The following GALNT10 variants were observed in gnomAD, a reference collection of about 807,000 sequenced individuals.
GALNT10 encodes the protein GalNAc transferase 10.
Under a neutral mutation model 75.0 loss-of-function variants are expected in GALNT10, and 41 were observed. That is an observed-to-expected ratio of 0.55 (90% CI 0.43 to 0.71). The LOEUF (loss-of-function observed/expected upper bound fraction) is 0.71. Ranked by LOEUF, GALNT10 falls within the 30% of genes least tolerant of loss-of-function variation. GALNT10 has a pLI of 0.00. For missense variants in GALNT10, 727 were observed against 818.5 expected (o/e 0.89, Z 1.36); for synonymous variants, 302 against 313.0 (o/e 0.96, Z 0.37).
chr5:154,316,730 C>G (rs768559406), intron 3 of GALNT10, among the ~76,000 whole-genome samples: 2 of 152,142 alleles, frequency 1.3e-5, no homozygotes, highest in Non-Finnish European at 2.9e-5. Flanking sequence ...CTCAGTATTA[C>G]GTTTCTTGAA....
intron 3 of GALNT10, among the ~76,000 whole-genome samples, chr5:154,324,717 G>A (rs955859773): frequency 6.6e-6 from 1 of 151,988 alleles, no homozygotes; most frequent in East Asian, 1.9e-4. Context: ...GTGGTCTGGG[G>A]TGGCCAGAGA....
chr5:154,237,581 G>A (rs75324225), intron 1 of GALNT10, among the ~76,000 whole-genome samples: 2,071 of 152,232 alleles, frequency 0.014, 39 homozygotes, highest in African/African-American at 0.047. Flanking sequence ...TTCTCCAATT[G>A]GGAAATCCCT....
chr5:154,271,619 GCAGAAGTC>G (rs1428675416), intron 1 of GALNT10, among the ~76,000 whole-genome samples: 2 of 152,192 alleles, frequency 1.3e-5, no homozygotes, highest in African/African-American at 4.8e-5. Flanking sequence ...TGGTGAGGAA[GCAGAAGTC>G]ATTATGTCTA....
chr5:154,254,357 T>A (rs1753574363), intron 1 of GALNT10, among the ~76,000 whole-genome samples: 1 of 152,188 alleles, frequency 6.6e-6, no homozygotes, highest in Non-Finnish European at 1.5e-5. Flanking sequence ...TTCCAGTGCC[T>A]CTTACATATA....
intron 1 of GALNT10, among the ~76,000 whole-genome samples, chr5:154,262,737 G>C (rs1265677390): frequency 1.3e-5 from 2 of 152,142 alleles, no homozygotes; most frequent in African/African-American, 4.8e-5. Flanking sequence ...GCACCCTCAA[G>C]ACCCTCAAGT....
At chr5:154,415,190 C>T (rs1175430117) in intron 10 of GALNT10, among the ~76,000 whole-genome samples, 2 of 152,148 alleles carry the variant, frequency 1.3e-5, no homozygotes, top group Admixed American at 6.5e-5. Flanking sequence ...CATTTTGGAC[C>T]TTGTAGTAAC....
intron 1 of GALNT10, among the ~76,000 whole-genome samples, chr5:154,284,057 C>T (rs1365499809): frequency 1.3e-5 from 2 of 152,196 alleles, no homozygotes; most frequent in Non-Finnish European, 2.9e-5. Flanking sequence ...TATAAAAATG[C>T]TTTGTAAATT....
At chr5:154,205,632 A>G (rs1198350882) in intron 1 of GALNT10, among the ~76,000 whole-genome samples, 1 of 152,216 alleles carries the variant, frequency 6.6e-6, no homozygotes, top group East Asian at 1.9e-4. Flanking sequence ...GGTTTGTTGC[A>G]AATGTAACCA....
At position 154,335,313 on chromosome 5, in the gene GALNT10, G is replaced by C. The variant is rs371979814; in HGVS notation, c.568+5575G>C. Among the ~76,000 whole-genome samples, 4 of 152,284 alleles carry C rather than the reference G, an allele frequency of 2.6e-5. No individual in the cohort carries two copies. The East Asian group carries it at 7.7e-4, about 29-fold the overall frequency. On this transcript the variant is annotated intron_variant, in intron 4 of 11. Transcript: ENST00000297107. Reference sequence around the variant, plus strand: ...AAATAGGCTTCCCTCGACAGCTCCAGTAGGCCTAGAGGAGGTAAGGGGCAG... The same window carrying C: ...AAATAGGCTTCCCTCGACAGCTCCACTAGGCCTAGAGGAGGTAAGGGGCAG...
chr5:154,302,985 T>C (rs2113084964), intron 3 of GALNT10, among the ~76,000 whole-genome samples: 1 of 152,228 alleles, frequency 6.6e-6, no homozygotes, highest in Non-Finnish European at 1.5e-5. Context: ...GAAGTTTAAG[T>C]CAACCACATT....
In GALNT10 at chr5:154,376,538, A is replaced by G; in HGVS notation, c.754+76A>G. 6 of 1,069,296 alleles carry G rather than the reference A, an allele frequency of 5.6e-6. No homozygotes were observed. Among genetic ancestry groups the G allele is most frequent in the Non-Finnish European group, 8.1e-6 (6 of 740,000 alleles). The allele number at this position is 1,069,296 out of a possible 1,614,324, so 66.2% of individuals were successfully genotyped here. A position where few individuals can be genotyped will look rare whatever the true frequency, so the allele number is the denominator to read the frequency against. On this transcript the variant is annotated intron_variant, in intron 5 of 11. Coordinates refer to ENST00000297107, the MANE Select transcript of GALNT10 (RefSeq NM_198321.4). This position sits in a 1 kb window ranked among gnomAD's most constrained non-coding sequence, Gnocchi z 4.1. The stretch of plus-strand genomic sequence containing the variant: ...CCAGTGGCCCCCTCCTGCTGCAGGG[A>G]GCCATCCATAAGCCTTCCCTTGCCT...
chr5:154,364,798 A>G (rs988032033), intron 4 of GALNT10, among the ~76,000 whole-genome samples: 2 of 152,076 alleles, frequency 1.3e-5, no homozygotes, highest in African/African-American at 4.8e-5. Context: ...CAGCTACCAG[A>G]AGCCCACAAC....
At position 154,298,026 on chromosome 5, in the gene GALNT10, C is replaced by T. The variant is rs371591541; in HGVS notation, c.348C>T (p.Tyr116=). 5.0e-5 allele frequency: 81 copies of T among 1,612,752 alleles called. No individual in the cohort carries two copies. Among genetic ancestry groups the T allele is most frequent in the Admixed American group, 2.0e-4 (12 of 59,996 alleles). Residue 116 remains tyrosine (Y), a synonymous_variant, in exon 3 of 12, where the codon TAC becomes TAT. Coordinates refer to ENST00000297107, the MANE Select transcript of GALNT10 (RefSeq NM_198321.4). The surrounding 1 kb of genome is among the most constrained non-coding windows in gnomAD (Gnocchi z 4.1). ...QAYRENGFNI[Y]VSDKISLNRS... is the part of the protein sequence containing the mutation. ...ACCGAGAAAATGGATTTAACATCTA[C>T]GTCAGTGATAAAATCTCCTTGAATC...
intron 1 of GALNT10, among the ~76,000 whole-genome samples, chr5:154,231,274 A>G (rs1337048610): frequency 6.6e-6 from 1 of 152,218 alleles, no homozygotes; most frequent in African/African-American, 2.4e-5. Context: ...AAATGGTAGT[A>G]ATAGCAGACG....
chr5:154,190,805 A>G lies in GALNT10; in HGVS notation c.-62A>G, dbSNP rs1303952068. 5.5e-6 allele frequency: 5 copies of G among 905,046 alleles called. No homozygotes were observed. In the Admixed American group the frequency reaches 2.4e-4, roughly 43 times the overall value. 56.1% of individuals were successfully genotyped at this position (905,046 alleles called of 1,614,324 possible). A position where few individuals can be genotyped will look rare whatever the true frequency, so the allele number is the denominator to read the frequency against. ...CTGCCGCCGCCGGGCGGACGGGCGG[A>G]CGCGCGGAGCTGGGGGCGGCGCGGC... On this transcript the variant is annotated 5_prime_UTR_variant, in exon 1 of 12. Transcript: ENST00000297107.
At chr5:154,195,891 T>A (rs560103163) in intron 1 of GALNT10, among the ~76,000 whole-genome samples, 96 of 152,324 alleles carry the variant, frequency 6.3e-4, no homozygotes, top group African/African-American at 2.3e-3. Flanking sequence ...TTTTGTACAT[T>A]TTCTTTCCAA....
chr5:154,199,403 C>G (rs1774991196), intron 1 of GALNT10, among the ~76,000 whole-genome samples: 2 of 152,092 alleles, frequency 1.3e-5, no homozygotes, highest in African/African-American at 2.4e-5. Context: ...ACTTCTGTTC[C>G]TGGGAAGTGT....
chr5:154,240,128 A>G (rs997505342), intron 1 of GALNT10, among the ~76,000 whole-genome samples: 3 of 152,204 alleles, frequency 2.0e-5, no homozygotes, highest in Non-Finnish European at 4.4e-5. Flanking sequence ...ACAGGCTTAC[A>G]CTTACCATAC....
intron 4 of GALNT10, among the ~76,000 whole-genome samples, chr5:154,343,701 A>G (rs1030069215): frequency 2.0e-5 from 3 of 152,074 alleles, no homozygotes; most frequent in African/African-American, 7.2e-5. Context: ...TCATCCCATC[A>G]ATTCTGGGGG....
Sources: allele counts gnomAD v4.1 joint callset (sites outside exome capture counted in the v4.1 genomes callset), GRCh38; gene constraint gnomAD v4.1.1; non-coding constraint Gnocchi (gnomAD v3.1); transcripts MANE v1.5; gene names NCBI Gene and HGNC (gene_info 2026-07-23, HGNC 2026-07-21).